NAV2: variants seen among roughly 807,000 people sequenced by gnomAD.
The protein encoded by NAV2 is neuron navigator 2.
A neutral mutation model predicts 223.2 loss-of-function variants in NAV2; 54 were observed. That is an observed-to-expected ratio of 0.24 (90% CI 0.19 to 0.30). The LOEUF is 0.30. NAV2 is among the 10% of genes least tolerant of loss of function. The pLI is 1.00. For synonymous variants in NAV2, 1,279 were observed against 1,239.3 expected, an observed-to-expected ratio of 1.03 and a Z score of -0.67; for missense variants, 2,806 against 3,147.5, an observed-to-expected ratio of 0.89 and a Z score of 2.60.
chr11:19,521,036 T>C (rs1270550890), intron 1 of NAV2, among the ~76,000 whole-genome samples: 6 of 152,186 alleles, frequency 3.9e-5, no homozygotes, highest in Admixed American at 3.9e-4. Context: ...GCCTATCTGG[T>C]TTATTTGGAC....
At chr11:19,634,528 T>C (rs2047436282) in intron 1 of NAV2, among the ~76,000 whole-genome samples, 2 of 152,152 alleles carry the variant, frequency 1.3e-5, no homozygotes, top group South Asian at 4.1e-4. Flanking sequence ...GAACAACCCC[T>C]CACAAATATA....
chr11:19,954,911 A>ATGTGTG (rs369623265), intron 10 of NAV2, among the ~76,000 whole-genome samples: 3 of 32,992 alleles, frequency 9.1e-5, no homozygotes, highest in Non-Finnish European at 1.2e-4. Context: ...ATATGTGTAT[A>ATGTGTG]TATGTGTGTG....
At chr11:19,618,495 T>C (rs1266978089) in intron 1 of NAV2, among the ~76,000 whole-genome samples, 1 of 17,586 alleles carries the variant, frequency 5.7e-5, no homozygotes, top group African/African-American at 7.1e-5. Flanking sequence ...TCTGGATAGA[T>C]GGATGGATGG....
intron 1 of NAV2, among the ~76,000 whole-genome samples, chr11:19,502,000 C>G (rs1000081058): frequency 1.3e-5 from 2 of 152,154 alleles, no homozygotes; most frequent in African/African-American, 2.4e-5. Flanking sequence ...GGTCTCAAGT[C>G]TCCTAAAAGC....
At chr11:19,758,266 A>C (rs1264060699) in intron 1 of NAV2, among the ~76,000 whole-genome samples, 2 of 152,248 alleles carry the variant, frequency 1.3e-5, no homozygotes, top group African/African-American at 4.8e-5. Flanking sequence ...TGTAATACCT[A>C]AGCACAGTAA....
chr11:20,019,941 T>C (rs1032905498), intron 11 of NAV2, among the ~76,000 whole-genome samples: 10 of 147,682 alleles, frequency 6.8e-5, no homozygotes, highest in African/African-American at 2.0e-4. Context: ...TCACGGAACA[T>C]GAGAAGTACA....
At chr11:19,676,081 G>T (rs554759638) in intron 1 of NAV2, among the ~76,000 whole-genome samples, 1 of 152,176 alleles carries the variant, frequency 6.6e-6, no homozygotes, top group South Asian at 2.1e-4. Flanking sequence ...TGAGAGCCTT[G>T]TTCTGGCACA....
chr11:19,556,885 C>T (rs1048923326), intron 1 of NAV2, among the ~76,000 whole-genome samples: 5 of 152,072 alleles, frequency 3.3e-5, no homozygotes, highest in African/African-American at 1.2e-4. Context: ...GAAATAAAAA[C>T]GTCATTTTTC....
intron 14 of NAV2, among the ~76,000 whole-genome samples, chr11:20,048,097 G>A (rs1187080960): frequency 1.3e-5 from 2 of 152,158 alleles, no homozygotes; most frequent in African/African-American, 2.4e-5. Flanking sequence ...CTGGTCTAAT[G>A]TCTTGTGAAC....
At chr11:19,787,842 A>G (rs934913180) in intron 1 of NAV2, among the ~76,000 whole-genome samples, 22 of 152,168 alleles carry the variant, frequency 1.4e-4, no homozygotes, top group African/African-American at 5.3e-4. Context: ...GCAAGTATAA[A>G]GAGCCCTACT....
At chr11:19,824,295 C>T (rs2152864326) in intron 1 of NAV2, among the ~76,000 whole-genome samples, 1 of 152,290 alleles carries the variant, frequency 6.6e-6, no homozygotes, top group Admixed American at 6.5e-5. Context: ...TGGTCCACAC[C>T]TACACCTGAG....
chr11:19,580,226 G>A (rs1380545804), intron 1 of NAV2, among the ~76,000 whole-genome samples: 1 of 152,182 alleles, frequency 6.6e-6, no homozygotes, highest in African/African-American at 2.4e-5. Flanking sequence ...CCGAAACCCA[G>A]ATGAAGGGCT....
intron 3 of NAV2, among the ~76,000 whole-genome samples, chr11:19,859,940 C>T (rs1190897709): frequency 4.1e-4 from 46 of 111,836 alleles, no homozygotes; most frequent in African/African-American, 6.3e-4. Flanking sequence ...CCAGTAGGGG[C>T]GGCCGGGCAG....
At chr11:19,644,080 G>GCACATA (rs1590025189) in intron 1 of NAV2, among the ~76,000 whole-genome samples, 1 of 151,146 alleles carries the variant, frequency 6.6e-6, no homozygotes, top group Non-Finnish European at 1.5e-5. Context: ...GTGTGCATGT[G>GCACATA]CACACACACA....
chr11:19,471,978 A>G (rs1229550060), intron 1 of NAV2, among the ~76,000 whole-genome samples: 3 of 152,252 alleles, frequency 2.0e-5, no homozygotes, highest in African/African-American at 7.2e-5. Context: ...GAAACAGATC[A>G]AGGGATAACG....
chr11:19,916,975 G>A (rs139588674), intron 6 of NAV2, among the ~76,000 whole-genome samples: 1,814 of 152,346 alleles, frequency 0.012, 13 homozygotes, highest in Middle Eastern at 0.037. Flanking sequence ...ATGGGTTATG[G>A]AACTGGGGGT....
At chr11:19,837,359 T>C (rs2060289862) in intron 2 of NAV2, among the ~76,000 whole-genome samples, 1 of 152,180 alleles carries the variant, frequency 6.6e-6, no homozygotes. Flanking sequence ...GCAAGAATCA[T>C]CAACGGATGC....
chr11:19,551,897 TTCTCTC>T (rs59538869), intron 1 of NAV2, among the ~76,000 whole-genome samples: 9,183 of 149,270 alleles, frequency 0.062, 986 homozygotes, highest in African/African-American at 0.22. Context: ...TCCTCTCCTC[TTCTCTC>T]TCTCTCTCTC....
At chr11:19,494,826 C>T (rs2042741756) in intron 1 of NAV2, among the ~76,000 whole-genome samples, 1 of 152,164 alleles carries the variant, frequency 6.6e-6, no homozygotes, top group South Asian at 2.1e-4. Context: ...CATGGCTGGT[C>T]TTTGGGGCTC....
Sources: allele counts gnomAD v4.1 joint callset (sites outside exome capture counted in the v4.1 genomes callset), GRCh38; gene constraint gnomAD v4.1.1; transcripts MANE v1.5; gene names NCBI Gene and HGNC (gene_info 2026-07-23, HGNC 2026-07-21).